ADAMTS17: variants seen among roughly 807,000 people sequenced by gnomAD.
The protein encoded by ADAMTS17 is ADAM metallopeptidase with thrombospondin type 1 motif 17.
In ADAMTS17, 113 loss-of-function variants were observed where a neutral mutation model predicts 141.5. The observed-to-expected ratio is 0.80, with a 90% CI of 0.69 to 0.93. The LOEUF is 0.93. ADAMTS17 is among the 40% of genes least tolerant of loss of function. The pLI is 0.00. For missense variants in ADAMTS17, 1,659 were observed against 1,517.9 expected, an observed-to-expected ratio of 1.09 and a Z score of -1.54; for synonymous variants, 768 against 630.6, an observed-to-expected ratio of 1.22 and a Z score of -3.27.
chr15:100,259,930 T>C (rs1168509960), intron 6 of ADAMTS17, among the ~76,000 whole-genome samples: 1 of 152,164 alleles, frequency 6.6e-6, no homozygotes, highest in Non-Finnish European at 1.5e-5. Flanking sequence ...CTGTAACCTC[T>C]GCCTCCCCGG....
At chr15:100,049,707 G>A (rs1286310059) in intron 17 of ADAMTS17, among the ~76,000 whole-genome samples, 1 of 152,236 alleles carries the variant, frequency 6.6e-6, no homozygotes, top group African/African-American at 2.4e-5. Flanking sequence ...CTGGGAGTTA[G>A]GAGGGTGGCC....
chr15:100,112,293 C>G (rs1342000149), intron 13 of ADAMTS17, among the ~76,000 whole-genome samples: 2 of 152,278 alleles, frequency 1.3e-5, no homozygotes, highest in East Asian at 3.9e-4. Context: ...CTGCCCTCCA[C>G]AGCTTGGACA....
At chr15:100,250,584 G>C (rs974903123) in intron 7 of ADAMTS17, among the ~76,000 whole-genome samples, 1 of 152,216 alleles carries the variant, frequency 6.6e-6, no homozygotes, top group Non-Finnish European at 1.5e-5. Flanking sequence ...GAGGCAGTCC[G>C]AGGGGGCATC....
chr15:100,271,044 C>T (rs757596617), intron 4 of ADAMTS17, among the ~76,000 whole-genome samples: 78 of 151,922 alleles, frequency 5.1e-4, no homozygotes, highest in African/African-American at 1.7e-3. Flanking sequence ...AATGTCTTCA[C>T]AGCTCATCTA....
rs1278807280 is a variant in ADAMTS17, at chr15:99,971,686, T to C, written c.*2716A>G. ...AATCGTATTGCCATAGAGGCTCTTTTCCTGCATTCTGATCCTATCCAGCAA... is the reference window on the plus strand; with the variant it reads ...AATCGTATTGCCATAGAGGCTCTTTCCCTGCATTCTGATCCTATCCAGCAA... On this transcript the variant is annotated 3_prime_UTR_variant, in exon 22 of 22. Transcript: ENST00000268070. The C allele has an allele frequency of 1.3e-5, 2 of 152,192 alleles. No individual in the cohort carries two copies. The highest frequency in any genetic ancestry group is 4.8e-5 in the African/African-American group (2 of 41,430). The allele number at this position is 152,192 out of a possible 1,614,324, so 9.4% of individuals were successfully genotyped here. A position where few individuals can be genotyped will look rare whatever the true frequency, so the allele number is the denominator to read the frequency against.
At chr15:100,199,968 C>T (rs8040747) in intron 7 of ADAMTS17, among the ~76,000 whole-genome samples, 4 of 152,204 alleles carry the variant, frequency 2.6e-5, no homozygotes, top group Non-Finnish European at 4.4e-5. Context: ...TGCTGGGTCT[C>T]GTGGACAGCA....
chr15:100,228,026 G>A (rs552139381), intron 7 of ADAMTS17, among the ~76,000 whole-genome samples: 4 of 152,260 alleles, frequency 2.6e-5, no homozygotes, highest in Admixed American at 1.3e-4. Context: ...AATCCACGAC[G>A]CTTTGTGGAG....
intron 15 of ADAMTS17, among the ~76,000 whole-genome samples, chr15:100,069,040 G>C (rs1427021182): frequency 6.6e-6 from 1 of 152,188 alleles, no homozygotes; most frequent in Non-Finnish European, 1.5e-5. Context: ...ATGCAGAGAA[G>C]TCCTTAAAGG....
At chr15:100,097,239 T>G (rs1307876692) in intron 14 of ADAMTS17, among the ~76,000 whole-genome samples, 1 of 152,198 alleles carries the variant, frequency 6.6e-6, no homozygotes, top group African/African-American at 2.4e-5. Context: ...GGGTAATTAT[T>G]TACTAGCCAC....
intron 8 of ADAMTS17, among the ~76,000 whole-genome samples, chr15:100,162,031 T>C (rs961525523): frequency 6.6e-6 from 1 of 152,190 alleles, no homozygotes; most frequent in Non-Finnish European, 1.5e-5. Flanking sequence ...GTAAGAATCA[T>C]CCTAAAACAG....
chr15:100,102,306 G>A lies in ADAMTS17; in HGVS notation c.2017-5830C>T, dbSNP rs187223200. Reference sequence around the variant, plus strand: ...CGAAGGAGATCTACATTTGAGGGCCGACCGAAGGGGATCTACATTTGAGGG... The same window carrying A: ...CGAAGGAGATCTACATTTGAGGGCCAACCGAAGGGGATCTACATTTGAGGG... On this transcript the variant is annotated intron_variant, in intron 14 of 21. Transcript: ENST00000268070. Among the ~76,000 whole-genome samples, 20 of 150,368 alleles carry A rather than the reference G, an allele frequency of 1.3e-4. 1 individual carries two copies. In the East Asian group the frequency reaches 1.8e-3, roughly 13 times the overall value.
chr15:100,338,345 G>A (rs1455134131), intron 2 of ADAMTS17, among the ~76,000 whole-genome samples: 1 of 152,168 alleles, frequency 6.6e-6, no homozygotes, highest in Non-Finnish European at 1.5e-5. Context: ...CAGATTCCAT[G>A]CAACATGGAA....
At chr15:100,223,746 A>G (rs1368762551) in intron 7 of ADAMTS17, among the ~76,000 whole-genome samples, 5 of 148,604 alleles carry the variant, frequency 3.4e-5, no homozygotes, top group Non-Finnish European at 5.9e-5. Context: ...ATGTATGTGT[A>G]TATATATATA....
intron 15 of ADAMTS17, among the ~76,000 whole-genome samples, chr15:100,094,029 A>C (rs1251315828): frequency 1.3e-5 from 2 of 151,994 alleles, no homozygotes; most frequent in South Asian, 4.2e-4. Flanking sequence ...CAGATTTTCA[A>C]TATATACAAT....
chr15:100,137,503 T>C (rs1030304936), intron 10 of ADAMTS17, among the ~76,000 whole-genome samples: 2 of 152,168 alleles, frequency 1.3e-5, no homozygotes, highest in Non-Finnish European at 2.9e-5. Flanking sequence ...GCATTCATCA[T>C]GCTCAGGAAG....
chr15:100,070,187 G>A (rs2033864957), intron 15 of ADAMTS17, among the ~76,000 whole-genome samples: 2 of 150,168 alleles, frequency 1.3e-5, no homozygotes, highest in African/African-American at 2.5e-5. Context: ...AACAAGAAGA[G>A]CTAACTATAC....
intron 2 of ADAMTS17, among the ~76,000 whole-genome samples, chr15:100,340,441 ATAG>A (rs2046329406): frequency 6.6e-6 from 1 of 152,134 alleles, no homozygotes; most frequent in Non-Finnish European, 1.5e-5. Context: ...ATGCCTACTA[ATAG>A]TATAAGGAAG....
chr15:100,202,552 G>C (rs1286933674), intron 7 of ADAMTS17, among the ~76,000 whole-genome samples: 1 of 152,206 alleles, frequency 6.6e-6, no homozygotes, highest in Non-Finnish European at 1.5e-5. Flanking sequence ...AAAATCCCAG[G>C]TTGTTGTAAA....
intron 7 of ADAMTS17, among the ~76,000 whole-genome samples, chr15:100,213,419 A>G (rs942737948): frequency 6.6e-6 from 1 of 152,200 alleles, no homozygotes; most frequent in Non-Finnish European, 1.5e-5. Context: ...ATCGATGTCA[A>G]CATCCACTCT....
Sources: allele counts gnomAD v4.1 joint callset (sites outside exome capture counted in the v4.1 genomes callset), GRCh38; gene constraint gnomAD v4.1.1; transcripts MANE v1.5; gene names NCBI Gene and HGNC (gene_info 2026-07-23, HGNC 2026-07-21).